Variants in RPIA observed in about 807,000 individuals in gnomAD.
RPIA encodes the protein ribose-5-phosphate isomerase.
RPIA carries 29 observed loss-of-function variants against 37.8 expected under a neutral mutation model. The ratio of observed to expected loss-of-function variants is 0.77; its 90% confidence interval spans 0.57 to 1.05. The LOEUF is 1.05. Among genes scored for constraint, RPIA ranks in the 50% least tolerant of loss-of-function variants. The pLI, the probability that RPIA is intolerant of heterozygous loss-of-function variation, is 0.00. For synonymous variants in RPIA, 167 were observed against 157.0 expected (o/e 1.06, Z -0.48); for missense variants, 385 against 413.6 (o/e 0.93, Z 0.60).
intron 8 of RPIA, among the ~76,000 whole-genome samples, chr2:88,747,295 C>T (rs945850765): frequency 1.3e-5 from 2 of 152,154 alleles, no homozygotes; most frequent in Non-Finnish European, 2.9e-5. Flanking sequence ...GTTTCACTCC[C>T]GCCATGCCCC....
rs768204663 is a variant in RPIA, at chr2:88,691,702, C to T, written c.4C>T (p.Gln2Ter). 2.9e-5 allele frequency: 46 copies of T among 1,569,842 alleles called. No individual in the cohort carries two copies. The highest frequency in any genetic ancestry group is 3.9e-5 in the Non-Finnish European group (45 of 1,166,756). M[Q>*]RPGPFSTLYG... is the part of the protein sequence containing the mutation. ...GAGGCCGGAGCGAGGCGTCGGGATG[C>T]AGCGCCCCGGGCCCTTCAGCACCCT... Residue 2 changes from glutamine to a stop codon, truncating the protein, a stop_gained, in exon 1 of 9, where the codon CAG (glutamine) becomes TAG (stop). Transcript: ENST00000283646. LOFTEE classifies it high-confidence loss of function.
chr2:88,716,865 T>C (rs1673043198), intron 3 of RPIA, among the ~76,000 whole-genome samples: 1 of 152,238 alleles, frequency 6.6e-6, no homozygotes, highest in East Asian at 1.9e-4. Context: ...CATTGTTTTA[T>C]GTGGCACAAA....
chr2:88,744,733 G>GT (rs1324729020), intron 8 of RPIA, among the ~76,000 whole-genome samples: 12 of 152,078 alleles, frequency 7.9e-5, no homozygotes, highest in Non-Finnish European at 1.6e-4. Flanking sequence ...ACTAATCCTT[G>GT]TATCATTATA....
chr2:88,742,711 G>A (rs991802384), intron 8 of RPIA, among the ~76,000 whole-genome samples: 1 of 151,818 alleles, frequency 6.6e-6, no homozygotes, highest in Non-Finnish European at 1.5e-5. Context: ...TGTTGTCTGT[G>A]GTTTTTTTCA....
chr2:88,702,616 A>G (rs947945660), intron 3 of RPIA, among the ~76,000 whole-genome samples: 7 of 152,210 alleles, frequency 4.6e-5, no homozygotes, highest in Non-Finnish European at 7.3e-5. Flanking sequence ...TCATGATTCA[A>G]TTATCTCCCA....
At chr2:88,699,920 C>T in intron 2 of RPIA, 89 bp from the exon 3 acceptor site, 1 of 1,394,888 alleles carries the variant, frequency 7.2e-7, no homozygotes. Context: ...TAGACCTTCC[C>T]TTGTCTGTTG....
chr2:88,716,430 C>G (rs980566152), intron 3 of RPIA, among the ~76,000 whole-genome samples: 10 of 152,170 alleles, frequency 6.6e-5, no homozygotes, highest in African/African-American at 2.2e-4. Context: ...AATAAACTTT[C>G]TAAATTGATT....
chr2:88,700,247 A>G (rs745903936), intron 3 of RPIA, among the ~76,000 whole-genome samples, 183 bp downstream of exon 3: 27 of 152,172 alleles, frequency 1.8e-4, no homozygotes, highest in Non-Finnish European at 3.7e-4. Context: ...CATTTGTTTA[A>G]TCACTTGGTG....
chr2:88,726,011 C>A (rs188848845), intron 3 of RPIA, among the ~76,000 whole-genome samples: 1 of 152,266 alleles, frequency 6.6e-6, no homozygotes, highest in East Asian at 1.9e-4. Context: ...GGGCACAGAA[C>A]TGTTTTAAAG....
chr2:88,701,873 G>C (rs1056323875), intron 3 of RPIA, among the ~76,000 whole-genome samples: 3 of 152,102 alleles, frequency 2.0e-5, no homozygotes, highest in African/African-American at 7.2e-5. Context: ...TATTCTTTTG[G>C]TAACATTTTT....
chr2:88,714,883 C>A (rs1159225909), intron 3 of RPIA, among the ~76,000 whole-genome samples: 2 of 152,188 alleles, frequency 1.3e-5, no homozygotes, highest in Non-Finnish European at 2.9e-5. Flanking sequence ...CCCTTGTCCT[C>A]AAATGTGCTT....
intron 4 of RPIA, among the ~76,000 whole-genome samples, chr2:88,734,138 A>T (rs922839431): frequency 6.6e-6 from 1 of 151,994 alleles, no homozygotes; most frequent in Admixed American, 6.5e-5. Context: ...AGTAGCACAG[A>T]TATTACTGTA....
rs1488440896 is a variant in RPIA, at chr2:88,735,751, T to C, written c.596+14T>C. On this transcript the variant is annotated intron_variant, in intron 6 of 8. Transcript: ENST00000283646. ...CGCTGATTTCAGGTACAGTTTCTGG[T>C]GTCTGAGCTGCCAACTGAGGAGGTA... 4.3e-6 allele frequency: 7 copies of C among 1,613,504 alleles called. No individual in the cohort carries two copies. The South Asian group carries it at 6.6e-5, about 15-fold the overall frequency.
chr2:88,736,703 G>A (rs1424412461), intron 7 of RPIA, 27 bp downstream of exon 7: 7 of 1,599,004 alleles, frequency 4.4e-6, no homozygotes, highest in Non-Finnish European at 6.0e-6. Context: ...GGCCGGGGGT[G>A]TGCTGGGTGC....
chr2:88,749,790 A>G (rs1221307050), intron 8 of RPIA, among the ~76,000 whole-genome samples, 191 bp from the exon 9 acceptor site: 2 of 151,692 alleles, frequency 1.3e-5, no homozygotes, highest in Non-Finnish European at 2.9e-5. Context: ...GTGGGAGGGG[A>G]GAAAGAGGTG....
intron 3 of RPIA, among the ~76,000 whole-genome samples, chr2:88,700,822 A>G (rs1276070809): frequency 2.0e-5 from 3 of 152,188 alleles, no homozygotes; most frequent in Non-Finnish European, 4.4e-5. Flanking sequence ...GCTCAGATGG[A>G]GCCAATTGTC....
chr2:88,719,655 C>A (rs571067968), intron 3 of RPIA, among the ~76,000 whole-genome samples: 2 of 152,054 alleles, frequency 1.3e-5, no homozygotes, highest in African/African-American at 4.8e-5. Flanking sequence ...AGTCAAAAAC[C>A]TTCATTTTTT....
chr2:88,715,840 C>G (rs1673028166), intron 3 of RPIA, among the ~76,000 whole-genome samples: 1 of 152,056 alleles, frequency 6.6e-6, no homozygotes, highest in South Asian at 2.1e-4. Flanking sequence ...AAGAAAAAAT[C>G]CTTTATTGTA....
intron 3 of RPIA, among the ~76,000 whole-genome samples, chr2:88,726,868 G>A (rs1356625840): frequency 6.6e-6 from 1 of 152,036 alleles, no homozygotes; most frequent in Non-Finnish European, 1.5e-5. Context: ...TCAGCCTCCT[G>A]AGTAGCTAGG....
Sources: gnomAD v4.1 joint callset for allele counts (sites outside exome capture counted in the v4.1 genomes callset) on GRCh38, gnomAD v4.1.1 for gene constraint, MANE v1.5 for transcripts, NCBI Gene and HGNC (gene_info 2026-07-23, HGNC 2026-07-21) for gene names.